AP3B1: variants seen among roughly 807,000 people sequenced by gnomAD.
AP3B1 encodes the protein AP-3 complex subunit beta-1.
AP3B1 carries 61 observed loss-of-function variants against 132.5 expected under a neutral mutation model. The observed-to-expected ratio is 0.46, with a 90% CI of 0.37 to 0.57. The LOEUF (loss-of-function observed/expected upper bound fraction) is 0.57, where lower values mean the gene tolerates loss of function less well. Ranked by LOEUF, AP3B1 falls within the 20% of genes least tolerant of loss-of-function variation. The probability of loss-of-function intolerance (pLI) is 0.00; values close to 1 mark genes in which losing one functional copy is unlikely to be tolerated. For synonymous variants in AP3B1, 388 were observed against 438.3 expected, an observed-to-expected ratio of 0.89 and a Z score of 1.43; for missense variants, 1,120 against 1,289.4, an observed-to-expected ratio of 0.87 and a Z score of 2.01.
intron 15 of AP3B1, among the ~76,000 whole-genome samples, chr5:78,137,193 T>C (rs1752956653): frequency 6.6e-6 from 1 of 152,216 alleles, no homozygotes; most frequent in Admixed American, 6.5e-5. Context: ...ACTCTTTGAA[T>C]GAGTACAGGA....
At chr5:78,167,628 TATATACACACAC>T (rs1013121452) in intron 11 of AP3B1, among the ~76,000 whole-genome samples, 4 of 145,366 alleles carry the variant, frequency 2.8e-5, no homozygotes, top group African/African-American at 1.1e-4. Context: ...ACATGTTATA[TATATACACACAC>T]ACACACACAC....
At chr5:78,078,631 A>G (rs1347913420) in intron 22 of AP3B1, among the ~76,000 whole-genome samples, 1 of 152,238 alleles carries the variant, frequency 6.6e-6, no homozygotes, top group African/African-American at 2.4e-5. Flanking sequence ...GACCCAACAC[A>G]AATATCGCTA....
chr5:78,110,992 G>C (rs527967062), intron 19 of AP3B1, among the ~76,000 whole-genome samples: 2 of 151,910 alleles, frequency 1.3e-5, no homozygotes, highest in South Asian at 4.1e-4. Context: ...TTCTGGGCTC[G>C]AGTAGTCCTC....
At chr5:78,054,928 TACC>T (rs1243565643) in intron 22 of AP3B1, among the ~76,000 whole-genome samples, 1 of 151,084 alleles carries the variant, frequency 6.6e-6, no homozygotes, top group Non-Finnish European at 1.5e-5. Flanking sequence ...CAGTTCCAGG[TACC>T]ACAAGTTGCT....
intron 20 of AP3B1, among the ~76,000 whole-genome samples, chr5:78,109,565 A>G (rs1296841351): frequency 1.3e-5 from 2 of 152,148 alleles, no homozygotes; most frequent in Admixed American, 6.5e-5. Flanking sequence ...TTAAAGACCA[A>G]AAAGATAATT....
intron 1 of AP3B1, among the ~76,000 whole-genome samples, chr5:78,289,866 T>C (rs1269634800): frequency 1.3e-5 from 2 of 152,216 alleles, no homozygotes; most frequent in African/African-American, 2.4e-5. Flanking sequence ...CTATTCATAA[T>C]TGTGATGTCT....
At chr5:78,143,583 T>A (rs528507744) in intron 14 of AP3B1, among the ~76,000 whole-genome samples, 5 of 152,170 alleles carry the variant, frequency 3.3e-5, no homozygotes, top group Admixed American at 1.3e-4. Context: ...AATACTAAGA[T>A]TTTTGGATTC....
intron 7 of AP3B1, among the ~76,000 whole-genome samples, chr5:78,193,630 T>C (rs2112437678): frequency 6.7e-6 from 1 of 148,614 alleles, no homozygotes; most frequent in African/African-American, 2.4e-5. Context: ...CTTAATCTTC[T>C]GAGCTTATTC....
intron 26 of AP3B1, 118 bp from the exon 27 acceptor site, chr5:78,003,173 C>T: frequency 8.2e-7 from 1 of 1,212,592 alleles, no homozygotes; most frequent in Non-Finnish European, 1.1e-6. Flanking sequence ...TTGCTGCAGG[C>T]TCCCTATTGC....
chr5:78,172,814 G>A (rs1393182041), intron 11 of AP3B1, among the ~76,000 whole-genome samples: 2 of 152,300 alleles, frequency 1.3e-5, no homozygotes, highest in East Asian at 3.9e-4. Flanking sequence ...TGTTGAATGT[G>A]TTTGCTCTCA....
At chr5:78,161,044 C>T (rs1405803522) in intron 13 of AP3B1, among the ~76,000 whole-genome samples, 4 of 151,630 alleles carry the variant, frequency 2.6e-5, no homozygotes, top group Admixed American at 2.0e-4. Context: ...AAACAAAAGC[C>T]TAACCATTAA....
At chr5:78,103,065 T>C (rs1044606209) in intron 20 of AP3B1, among the ~76,000 whole-genome samples, 3 of 152,312 alleles carry the variant, frequency 2.0e-5, no homozygotes, top group South Asian at 2.1e-4. Flanking sequence ...TTCTACTGAA[T>C]TGGAAAACCC....
chr5:78,278,638 C>A (rs1453206162), intron 1 of AP3B1, among the ~76,000 whole-genome samples: 30 of 104,060 alleles, frequency 2.9e-4, no homozygotes, highest in East Asian at 1.4e-3. Flanking sequence ...GGGGGGGGGA[C>A]TAATTAATTA....
At chr5:78,026,784 G>A (rs1364494569) in intron 24 of AP3B1, among the ~76,000 whole-genome samples, 1 of 152,060 alleles carries the variant, frequency 6.6e-6, no homozygotes. Flanking sequence ...CTACCTTCCT[G>A]GTCAATACCA....
chr5:78,256,561 A>T (rs1747857310), intron 2 of AP3B1, among the ~76,000 whole-genome samples: 1 of 152,128 alleles, frequency 6.6e-6, no homozygotes, highest in African/African-American at 2.4e-5. Flanking sequence ...CCAGGACCCG[A>T]TAGCTTAACT....
intron 22 of AP3B1, among the ~76,000 whole-genome samples, chr5:78,063,777 G>A (rs1383289199): frequency 2.0e-5 from 3 of 152,066 alleles, no homozygotes; most frequent in East Asian, 3.8e-4. Context: ...AGCAATCTAC[G>A]ACACCTATAA....
chr5:78,201,768 G>A (rs891811684), intron 7 of AP3B1, among the ~76,000 whole-genome samples: 1 of 152,156 alleles, frequency 6.6e-6, no homozygotes, highest in Non-Finnish European at 1.5e-5. Flanking sequence ...AGACATCCAA[G>A]GAGATGTATG....
chr5:78,181,437 A>G, intron 8 of AP3B1, 70 bp downstream of exon 8: 2 of 1,437,796 alleles, frequency 1.4e-6, no homozygotes, highest in Non-Finnish European at 1.9e-6. Context: ...CTCACTTACT[A>G]AATTGAGATA....
chr5:78,180,910 T>C (rs1301520636), intron 8 of AP3B1, among the ~76,000 whole-genome samples: 3 of 151,910 alleles, frequency 2.0e-5, no homozygotes, highest in Non-Finnish European at 4.4e-5. Context: ...AAAATATAAA[T>C]GGTTATATAA....
Sources: allele counts gnomAD v4.1 joint callset (sites outside exome capture counted in the v4.1 genomes callset), GRCh38; gene constraint gnomAD v4.1.1; transcripts MANE v1.5; gene names NCBI Gene and HGNC (gene_info 2026-07-23, HGNC 2026-07-21).